Variants in NCOA2 observed in about 807,000 individuals in gnomAD.
NCOA2 encodes class E basic helix-loop-helix protein 75.
NCOA2 carries 21 observed loss-of-function variants against 145.1 expected under a neutral mutation model. That is an observed-to-expected ratio of 0.14 (90% CI 0.10 to 0.21). NCOA2 has a LOEUF of 0.21. Ranked by LOEUF, NCOA2 falls within the 10% of genes least tolerant of loss-of-function variation. The pLI is 1.00. For missense variants in NCOA2, 1,472 were observed against 1,837.6 expected (o/e 0.80, Z 3.64); for synonymous variants, 619 against 637.5 (o/e 0.97, Z 0.44).
intron 2 of NCOA2, among the ~76,000 whole-genome samples, chr8:70,233,394 G>A (rs1369924837): frequency 1.3e-5 from 2 of 152,132 alleles, no homozygotes; most frequent in African/African-American, 2.4e-5. Context: ...TTCAGGTCAG[G>A]TTTTACTGCC....
chr8:70,385,013 T>A (rs190269633), intron 1 of NCOA2, among the ~76,000 whole-genome samples: 2 of 152,346 alleles, frequency 1.3e-5, no homozygotes, highest in Admixed American at 1.3e-4. Context: ...TCATAATGTA[T>A]CCTTATGGAC....
intron 4 of NCOA2, among the ~76,000 whole-genome samples, chr8:70,200,749 G>T (rs551569112): frequency 6.6e-6 from 1 of 152,126 alleles, no homozygotes; most frequent in South Asian, 2.1e-4. Flanking sequence ...CAGTAGTGAT[G>T]GTTACACAAA....
chr8:70,333,392 T>C (rs1444560573), intron 1 of NCOA2, among the ~76,000 whole-genome samples: 4 of 152,172 alleles, frequency 2.6e-5, no homozygotes, highest in Non-Finnish European at 4.4e-5. Flanking sequence ...TTGAAGTACA[T>C]TTCCTGAACT....
At chr8:70,219,011 A>C (rs1453462878) in intron 2 of NCOA2, among the ~76,000 whole-genome samples, 1 of 152,154 alleles carries the variant, frequency 6.6e-6, no homozygotes, top group East Asian at 1.9e-4. Context: ...AGTCATATAC[A>C]CCCAGTTTGA....
At chr8:70,225,511 T>C (rs1244678145) in intron 2 of NCOA2, among the ~76,000 whole-genome samples, 2 of 149,200 alleles carry the variant, frequency 1.3e-5, no homozygotes, top group African/African-American at 5.0e-5. Flanking sequence ...ATTGTGCCAT[T>C]GCACTCCAGC....
At chr8:70,320,944 T>C (rs180706475) in intron 1 of NCOA2, among the ~76,000 whole-genome samples, 1 of 152,320 alleles carries the variant, frequency 6.6e-6, no homozygotes, top group East Asian at 1.9e-4. Flanking sequence ...TGTATTTGCC[T>C]TTTGAAATCC....
chr8:70,254,476 T>C (rs548775042), intron 2 of NCOA2, among the ~76,000 whole-genome samples: 11 of 152,192 alleles, frequency 7.2e-5, no homozygotes, highest in South Asian at 6.2e-4. Flanking sequence ...CAAGTGTCCA[T>C]TGACAGACGA....
chr8:70,303,686 A>T (rs1827668366), intron 1 of NCOA2, among the ~76,000 whole-genome samples: 1 of 152,216 alleles, frequency 6.6e-6, no homozygotes, highest in Admixed American at 6.5e-5. Context: ...GAGTAAGACA[A>T]TAACCTGCTG....
At chr8:70,195,064 C>A (rs1229859534) in intron 4 of NCOA2, among the ~76,000 whole-genome samples, 1 of 152,190 alleles carries the variant, frequency 6.6e-6, no homozygotes, top group Non-Finnish European at 1.5e-5. Context: ...AATAACTCAA[C>A]TTACCTACAG....
intron 1 of NCOA2, among the ~76,000 whole-genome samples, chr8:70,349,083 A>G (rs775922204): frequency 3.9e-5 from 6 of 152,132 alleles, no homozygotes; most frequent in Non-Finnish European, 8.8e-5. Flanking sequence ...CAGAAGAATT[A>G]AAGTCAAGGT....
At chr8:70,406,519 A>AAAAT (rs2131900455), upstream of NCOA2, among the ~76,000 whole-genome samples, 1 of 152,348 alleles carries the variant, frequency 6.6e-6, no homozygotes, top group African/African-American at 2.4e-5. Context: ...CAACAAGGAA[A>AAAAT]AAATATGTGG....
Position 70,129,831 on chromosome 8 carries a change from C to T in NCOA2, c.3325-851G>A, listed in dbSNP as rs186275546. 1.6e-4 allele frequency among the ~76,000 whole-genome samples: 25 copies of T among 152,250 alleles called. 1 individual carries two copies. The highest frequency in any genetic ancestry group is 4.3e-4 in the African/African-American group (18 of 41,538). Reference sequence around the variant, plus strand: ...GATCACAGGCATGCGCCACCAAGCCCGGCTACTTTTGTATTTTTAGTGGAG... The same window carrying T: ...GATCACAGGCATGCGCCACCAAGCCTGGCTACTTTTGTATTTTTAGTGGAG... On this transcript the variant is annotated intron_variant, in intron 16 of 22. Coordinates refer to ENST00000452400, the MANE Select transcript of NCOA2 (RefSeq NM_006540.4).
At chr8:70,309,890 G>A (rs963355354) in intron 1 of NCOA2, among the ~76,000 whole-genome samples, 3 of 152,036 alleles carry the variant, frequency 2.0e-5, no homozygotes, top group Admixed American at 1.3e-4. Flanking sequence ...GGAGATTGAG[G>A]ATGCAGTGAG....
intron 10 of NCOA2, among the ~76,000 whole-genome samples, chr8:70,157,811 C>G (rs750731982): frequency 1.6e-4 from 25 of 152,194 alleles, no homozygotes; most frequent in Admixed American, 7.2e-4. Flanking sequence ...CCTTGTTTAA[C>G]AGATTTCCAC....
At chr8:70,441,250 A>T in the NCOA2 span, among the ~76,000 whole-genome samples, 2 of 149,924 alleles carry the variant, frequency 1.3e-5, no homozygotes, top group African/African-American at 4.9e-5. Context: ...AGGAAAGAGA[A>T]AGAAAGGGGA....
chr8:70,162,872 G>T lies in NCOA2; in HGVS notation c.833-18C>A. 6.3e-7 allele frequency: 1 copy of T among 1,578,484 alleles called. No homozygotes were observed. Reference sequence around the variant, plus strand: ...GATCTTGCCTATTAAGTAACAGCAGGCATTATACCTACATGTTGATCTATT... The same window carrying T: ...GATCTTGCCTATTAAGTAACAGCAGTCATTATACCTACATGTTGATCTATT... On this transcript the variant is annotated intron_variant, in intron 8 of 22. Coordinates refer to ENST00000452400, the MANE Select transcript of NCOA2 (RefSeq NM_006540.4).
intron 2 of NCOA2, among the ~76,000 whole-genome samples, chr8:70,222,736 A>G (rs1221311495): frequency 6.6e-6 from 1 of 152,146 alleles, no homozygotes; most frequent in Non-Finnish European, 1.5e-5. Context: ...CACTGGTTAC[A>G]CAAATATTTT....
At chr8:70,416,061 G>A in the NCOA2 span, among the ~76,000 whole-genome samples, 1 of 152,114 alleles carries the variant, frequency 6.6e-6, no homozygotes, top group African/African-American at 2.4e-5. Flanking sequence ...TGCAATTGTG[G>A]GGACTTGAAA....
upstream of NCOA2, among the ~76,000 whole-genome samples, chr8:70,405,827 C>G (rs780208360): frequency 2.0e-5 from 3 of 152,146 alleles, no homozygotes; most frequent in Non-Finnish European, 4.4e-5. Flanking sequence ...ATGACTCCCC[C>G]CATTGCATTC....
Sources: allele counts gnomAD v4.1 joint callset (sites outside exome capture counted in the v4.1 genomes callset), GRCh38; gene constraint gnomAD v4.1.1; transcripts MANE v1.5; gene names NCBI Gene and HGNC (gene_info 2026-07-23, HGNC 2026-07-21).